SCLT1: variants seen among roughly 807,000 people sequenced by gnomAD.
SCLT1 encodes the protein sodium channel and clathrin linker 1.
SCLT1 carries 78 observed loss-of-function variants against 112.8 expected under a neutral mutation model. That is an observed-to-expected ratio of 0.69 (90% CI 0.58 to 0.83). The LOEUF (loss-of-function observed/expected upper bound fraction) is 0.83. Ranked by LOEUF, SCLT1 falls within the 40% of genes least tolerant of loss-of-function variation. SCLT1 has a pLI of 0.00. For synonymous variants in SCLT1, 257 were observed against 254.7 expected, an observed-to-expected ratio of 1.01 and a Z score of -0.09; for missense variants, 747 against 770.4, an observed-to-expected ratio of 0.97 and a Z score of 0.36.
At chr4:128,983,942 T>C (rs900475923) in intron 9 of SCLT1, among the ~76,000 whole-genome samples, 7 of 152,196 alleles carry the variant, frequency 4.6e-5, no homozygotes, top group African/African-American at 1.7e-4. Context: ...GAATCTGTCA[T>C]ACTTGAAAGC....
chr4:128,963,128 T>C (rs1480319777), intron 11 of SCLT1, among the ~76,000 whole-genome samples: 2 of 152,142 alleles, frequency 1.3e-5, no homozygotes, highest in East Asian at 1.9e-4. Context: ...AATTATATTA[T>C]TGAATAATTT....
At chr4:128,924,183 C>T (rs1736111843) in intron 18 of SCLT1, among the ~76,000 whole-genome samples, 1 of 151,904 alleles carries the variant, frequency 6.6e-6, no homozygotes, top group South Asian at 2.1e-4. Flanking sequence ...GTCAGATATA[C>T]TAATTGCAAT....
intron 2 of SCLT1, among the ~76,000 whole-genome samples, chr4:129,081,343 C>T (rs1283179841): frequency 6.6e-6 from 1 of 152,218 alleles, no homozygotes; most frequent in Non-Finnish European, 1.5e-5. Context: ...GGCTCTAACG[C>T]TCTGGTCCCC....
At chr4:129,014,654 C>T (rs1182356626) in intron 5 of SCLT1, among the ~76,000 whole-genome samples, 1 of 152,250 alleles carries the variant, frequency 6.6e-6, no homozygotes, top group Admixed American at 6.5e-5. Flanking sequence ...ATTGTTCTCT[C>T]ACTCCATGAG....
At position 128,992,189 on chromosome 4, in the gene SCLT1, C is replaced by T. The variant is rs777678930; in HGVS notation, c.664G>A (p.Glu222Lys). The T allele has an allele frequency of 1.7e-5, 27 of 1,592,516 alleles. No homozygotes were observed. Among genetic ancestry groups the T allele is most frequent in the Non-Finnish European group, 2.3e-5 (27 of 1,168,640 alleles). ...KTVTEQSVII[E>K]QLRKKLRQAK... ...TACCTAAGTTTTTTTCGGAGTTGTT[C>T]GATTATCACACTTTGTTCAGTTACT... The change falls in exon 9 of 21, where the codon GAA (glutamate) becomes AAA (lysine). Residue 222 changes from glutamate (E) to lysine (K), a missense_variant. Transcript: ENST00000281142.
intron 10 of SCLT1, 150 bp downstream of exon 10, chr4:128,970,228 A>G (rs1410106317): frequency 4.9e-6 from 3 of 614,208 alleles, no homozygotes; most frequent in Non-Finnish European, 8.6e-6. Flanking sequence ...TCAATAATAT[A>G]GTTTAGCTTC....
intron 5 of SCLT1, among the ~76,000 whole-genome samples, chr4:129,007,915 T>C (rs1451220575): frequency 6.6e-6 from 1 of 152,186 alleles, no homozygotes; most frequent in Non-Finnish European, 1.5e-5. Context: ...TTTAGTTTAC[T>C]GTAGTGCTCA....
At chr4:128,938,858 T>G (rs1165982959) in intron 17 of SCLT1, among the ~76,000 whole-genome samples, 1 of 152,136 alleles carries the variant, frequency 6.6e-6, no homozygotes, top group Non-Finnish European at 1.5e-5. Flanking sequence ...GGTGGGTGCC[T>G]GTAATCCCAG....
chr4:128,967,777 A>G (rs1293779754), intron 10 of SCLT1, among the ~76,000 whole-genome samples: 1 of 151,636 alleles, frequency 6.6e-6, no homozygotes, highest in Non-Finnish European at 1.5e-5. Flanking sequence ...GTTTGCAAAT[A>G]TTTTTTCCCA....
At chr4:128,942,288 C>T in intron 17 of SCLT1, among the ~76,000 whole-genome samples, 1 of 151,886 alleles carries the variant, frequency 6.6e-6, no homozygotes, top group African/African-American at 2.4e-5. Context: ...GCAATAAAAA[C>T]CAAAATAAAA....
intron 5 of SCLT1, among the ~76,000 whole-genome samples, chr4:129,023,289 C>T (rs1240087665): frequency 1.3e-5 from 2 of 152,188 alleles, no homozygotes; most frequent in Non-Finnish European, 2.9e-5. Context: ...CAAATTCACA[C>T]ACAACAATAT....
rs530166382 is a variant in SCLT1, at chr4:129,090,800, C to T, written c.34+2270G>A. ...TCTTTCCCAGACAAAGGTGGAAGAA[C>T]GGTGCACAGCAAATATGCTACAAGC... On this transcript the variant is annotated intron_variant, in intron 1 of 20. Transcript: ENST00000281142. Among the ~76,000 whole-genome samples the T allele has an allele frequency of 5.3e-5, 8 of 152,250 alleles. No homozygotes were observed. In the South Asian group the frequency reaches 1.0e-3, roughly 20 times the overall value.
intron 1 of SCLT1, among the ~76,000 whole-genome samples, chr4:129,083,045 G>C (rs1457770146): frequency 6.6e-6 from 1 of 151,922 alleles, no homozygotes; most frequent in Non-Finnish European, 1.5e-5. Flanking sequence ...TACAAAATTA[G>C]CCAAGAGTAG....
intron 10 of SCLT1, among the ~76,000 whole-genome samples, chr4:128,966,132 ATTTTTTTTT>A (rs756291868): frequency 7.7e-6 from 1 of 130,688 alleles, no homozygotes; most frequent in African/African-American, 2.9e-5. Flanking sequence ...GCTTGGCCAA[ATTTTTTTTT>A]TTTTTTTTTT....
chr4:129,039,734 A>C (rs1747502795), intron 4 of SCLT1: 1 of 162,790 alleles, frequency 6.1e-6, no homozygotes, highest in Admixed American at 5.8e-5. Context: ...AAGGGAATTA[A>C]ATGAAGGTCT....
intron 6 of SCLT1, among the ~76,000 whole-genome samples, chr4:129,002,189 A>G (rs72924128): frequency 0.014 from 2,142 of 152,168 alleles, 45 homozygotes; most frequent in African/African-American, 0.043. Context: ...CCATTTATAA[A>G]TGAGGAAACT....
intron 18 of SCLT1, among the ~76,000 whole-genome samples, chr4:128,893,061 G>A (rs1210167718): frequency 1.3e-5 from 2 of 152,108 alleles, no homozygotes; most frequent in African/African-American, 4.8e-5. Context: ...GCATATTAGT[G>A]CTGATGAAAA....
At chr4:128,876,841 T>C (rs1230989027) in intron 3 of SCLT1, among the ~76,000 whole-genome samples, 1 of 152,222 alleles carries the variant, frequency 6.6e-6, no homozygotes, top group East Asian at 1.9e-4. Flanking sequence ...TTTTAGAGAA[T>C]GTCCTCCTAG....
chr4:128,925,133 G>T (rs142470858), intron 18 of SCLT1, among the ~76,000 whole-genome samples: 1 of 152,138 alleles, frequency 6.6e-6, no homozygotes, highest in Non-Finnish European at 1.5e-5. Flanking sequence ...CTGAGATAAT[G>T]CAGCTTTAGT....
Sources: gnomAD v4.1 joint callset for allele counts (sites outside exome capture counted in the v4.1 genomes callset) on GRCh38, gnomAD v4.1.1 for gene constraint, MANE v1.5 for transcripts, NCBI Gene and HGNC (gene_info 2026-07-23, HGNC 2026-07-21) for gene names.